The following GSTCD variants were observed in gnomAD, a reference collection of about 807,000 sequenced individuals.
GSTCD encodes glutathione S-transferase C-terminal domain-containing protein.
Under a neutral mutation model 68.3 loss-of-function variants are expected in GSTCD, and 44 were observed. The ratio of observed to expected loss-of-function variants is 0.64; its 90% CI spans 0.51 to 0.83. GSTCD has a LOEUF of 0.83. Among genes scored for constraint, GSTCD ranks in the 40% least tolerant of loss-of-function variants. The pLI, the probability that GSTCD is intolerant of heterozygous loss-of-function variation, is 0.00. For missense variants in GSTCD, 739 were observed against 735.9 expected, an observed-to-expected ratio of 1.00 and a Z score of -0.05; for synonymous variants, 273 against 255.2, an observed-to-expected ratio of 1.07 and a Z score of -0.67.
chr4:105,745,143 G>T (rs190330394), intron 5 of GSTCD, among the ~76,000 whole-genome samples: 5 of 152,170 alleles, frequency 3.3e-5, no homozygotes, highest in African/African-American at 9.6e-5. Context: ...TATTGCATTT[G>T]CTCATTTTGT....
chr4:105,743,242 A>G (rs7684839), intron 5 of GSTCD, among the ~76,000 whole-genome samples: 125,239 of 152,030 alleles, frequency 0.82, 51,967 homozygotes, highest in East Asian at 0.9. Flanking sequence ...GACCCACCGC[A>G]CCCAGCCTGT....
At chr4:105,725,030 TAGAG>T (rs894172408) in intron 3 of GSTCD, among the ~76,000 whole-genome samples, 3 of 151,892 alleles carry the variant, frequency 2.0e-5, no homozygotes, top group Non-Finnish European at 4.4e-5. Flanking sequence ...GAGGAGTTCT[TAGAG>T]AGGGGTAAAA....
chr4:105,775,239 A>G (rs138856673), intron 5 of GSTCD, among the ~76,000 whole-genome samples: 19 of 152,174 alleles, frequency 1.2e-4, no homozygotes, highest in African/African-American at 4.6e-4. Flanking sequence ...TGGTTATTCT[A>G]TTAGCAATTC....
At chr4:105,815,740 T>C (rs1722951180) in intron 5 of GSTCD, among the ~76,000 whole-genome samples, 1 of 152,176 alleles carries the variant, frequency 6.6e-6, no homozygotes, top group African/African-American at 2.4e-5. Flanking sequence ...GACACCTTAC[T>C]GTTGTTAACT....
At chr4:105,765,748 G>C (rs1189125588) in intron 5 of GSTCD, among the ~76,000 whole-genome samples, 1 of 152,132 alleles carries the variant, frequency 6.6e-6, no homozygotes, top group African/African-American at 2.4e-5. Context: ...TCATGGGGCT[G>C]GTTCCCCCAT....
intron 5 of GSTCD, among the ~76,000 whole-genome samples, chr4:105,759,471 G>A (rs941968910): frequency 6.6e-6 from 1 of 152,108 alleles, no homozygotes. Context: ...TTAAATGTTA[G>A]TTGTGTTTAG....
intron 5 of GSTCD, among the ~76,000 whole-genome samples, chr4:105,732,455 C>G (rs1471200182): frequency 6.6e-6 from 1 of 152,124 alleles, no homozygotes; most frequent in South Asian, 2.1e-4. Flanking sequence ...TCCATTTCTT[C>G]TAGATTTTCT....
intron 5 of GSTCD, among the ~76,000 whole-genome samples, chr4:105,770,892 T>C (rs1252348436): frequency 1.3e-5 from 2 of 152,188 alleles, no homozygotes; most frequent in East Asian, 1.9e-4. Flanking sequence ...TACCCAATAA[T>C]GGGATTGCTG....
At chr4:105,737,780 G>A (rs564604121) in intron 5 of GSTCD, among the ~76,000 whole-genome samples, 2 of 152,266 alleles carry the variant, frequency 1.3e-5, no homozygotes, top group African/African-American at 4.8e-5. Flanking sequence ...GGCTATAAAT[G>A]AGTGGAGATA....
intron 5 of GSTCD, among the ~76,000 whole-genome samples, chr4:105,773,847 G>C (rs1734949390): frequency 6.6e-6 from 1 of 152,184 alleles, no homozygotes; most frequent in African/African-American, 2.4e-5. Flanking sequence ...TTGGGGTGGA[G>C]AGTTCTGTAG....
intron 8 of GSTCD, among the ~76,000 whole-genome samples, chr4:105,831,833 G>C (rs895638159): frequency 1.3e-5 from 2 of 152,160 alleles, no homozygotes; most frequent in Admixed American, 1.3e-4. Context: ...CTACTTGGGA[G>C]GCTGAGGCAG....
intron 8 of GSTCD, among the ~76,000 whole-genome samples, chr4:105,830,804 A>T (rs1229634828): frequency 6.6e-6 from 1 of 152,144 alleles, no homozygotes; most frequent in African/African-American, 2.4e-5. Context: ...AAACCCTGAT[A>T]TCCAGCACAC....
At chr4:105,732,437 G>C (rs934639105) in intron 5 of GSTCD, among the ~76,000 whole-genome samples, 7 of 152,202 alleles carry the variant, frequency 4.6e-5, no homozygotes, top group African/African-American at 1.4e-4. Context: ...TATGTGTCCA[G>C]TAATTTGTCC....
In GSTCD at chr4:105,726,749, C is replaced by G; in HGVS notation, c.1065C>G (p.Asn355Lys). The G allele has an allele frequency of 6.2e-7, 1 of 1,613,870 alleles. No individual in the cohort carries two copies. Among genetic ancestry groups the G allele is most frequent in the Non-Finnish European group, 8.5e-7 (1 of 1,179,832 alleles). ...CAACCTCAACTGAACAGCATCCAAACTTATGTGAAGTCCCAGGTGTAGAAG... is the reference window on the plus strand; with the variant it reads ...CAACCTCAACTGAACAGCATCCAAAGTTATGTGAAGTCCCAGGTGTAGAAG... ...LLTTSTEQHP[N>K]LCEVPGVEEQ... Residue 355 changes from asparagine to lysine, a missense_variant, in exon 4 of 12, where the codon AAC (asparagine) becomes AAG (lysine). Physicochemically the swap from Asn to Lys is moderately conservative, Grantham distance 94. Transcript: ENST00000515279.
chr4:105,834,964 G>C (rs894962715), intron 9 of GSTCD, among the ~76,000 whole-genome samples: 11 of 152,094 alleles, frequency 7.2e-5, no homozygotes, highest in Non-Finnish European at 1.3e-4. Context: ...AGTGCCTGGG[G>C]GAAAATACTA....
At chr4:105,809,187 G>A (rs577576518) in intron 5 of GSTCD, among the ~76,000 whole-genome samples, 1 of 152,178 alleles carries the variant, frequency 6.6e-6, no homozygotes, top group African/African-American at 2.4e-5. Flanking sequence ...ACCTCAAGCT[G>A]CAAAAATTAT....
At chr4:105,769,561 T>G (rs1734761041) in intron 5 of GSTCD, among the ~76,000 whole-genome samples, 1 of 152,214 alleles carries the variant, frequency 6.6e-6, no homozygotes, top group South Asian at 2.1e-4. Context: ...CCTCTGCACC[T>G]TTGCAATTGC....
intron 5 of GSTCD, chr4:105,815,382 A>G (rs1442999248): frequency 6.6e-6 from 1 of 152,182 alleles, no homozygotes; most frequent in Non-Finnish European, 1.5e-5. Context: ...AGATTTAATA[A>G]CAGACATAGA....
chr4:105,774,306 A>G (rs1279629867), intron 5 of GSTCD, among the ~76,000 whole-genome samples: 1 of 152,078 alleles, frequency 6.6e-6, no homozygotes, highest in East Asian at 1.9e-4. Context: ...ACTGTATTCA[A>G]TTTGCCAGTC....
Sources: allele counts gnomAD v4.1 joint callset (sites outside exome capture counted in the v4.1 genomes callset), GRCh38; gene constraint gnomAD v4.1.1; transcripts MANE v1.5; gene names NCBI Gene and HGNC (gene_info 2026-07-23, HGNC 2026-07-21).